The following TTYH2 variants were observed in gnomAD, a reference collection of about 807,000 sequenced individuals.
TTYH2 encodes the protein protein tweety homolog 2.
A neutral mutation model predicts 68.3 loss-of-function variants in TTYH2; 49 were observed. The ratio of observed to expected loss-of-function variants is 0.72; its 90% CI spans 0.57 to 0.91. The LOEUF (loss-of-function observed/expected upper bound fraction) is 0.91. Among genes scored for constraint, TTYH2 ranks in the 40% least tolerant of loss-of-function variants. The pLI is 0.00. For synonymous variants in TTYH2, 272 were observed against 300.8 expected, an observed-to-expected ratio of 0.90 and a Z score of 0.99; for missense variants, 631 against 700.4, an observed-to-expected ratio of 0.90 and a Z score of 1.12.
intron 2 of TTYH2, among the ~76,000 whole-genome samples, chr17:74,223,439 C>T (rs1362689798): frequency 2.0e-5 from 3 of 152,062 alleles, no homozygotes; most frequent in African/African-American, 7.2e-5. Context: ...GACTATGTTG[C>T]TCAGGCTGGT....
chr17:74,238,086 T>G (rs1369143241), intron 4 of TTYH2, among the ~76,000 whole-genome samples: 1 of 152,182 alleles, frequency 6.6e-6, no homozygotes, highest in Non-Finnish European at 1.5e-5. Context: ...CGCCAAAGGC[T>G]GGACCTGGCC....
rs375508967 is a variant in TTYH2 at position 74,213,578 on chromosome 17, G to C, written c.-10G>C. The C allele has an allele frequency of 6.2e-5, 100 of 1,607,962 alleles. No individual in the cohort carries two copies. The African/African-American group carries it at 1.1e-3, about 17-fold the overall frequency. On this transcript the variant is annotated 5_prime_UTR_variant, in exon 1 of 14. Transcript: ENST00000269346. The surrounding 1 kb of genome is among the most constrained non-coding windows in gnomAD (Gnocchi z 6.1). ...GTCGTTCAGCTTGTGGGTAGCACTCGGGCCGAGCCATGCAGGCGGCGCGCG... is the reference window on the plus strand; with the variant it reads ...GTCGTTCAGCTTGTGGGTAGCACTCCGGCCGAGCCATGCAGGCGGCGCGCG...
Position 74,252,494 on chromosome 17 carries a change from G to T in TTYH2, c.1259+118G>T, listed in dbSNP as rs117091970. On this transcript the variant is annotated intron_variant, in intron 11 of 13. Transcript: ENST00000269346. Reference sequence around the variant, plus strand: ...CCCAGGACTGAGGAGGGCAGCAGAGGGCCCGGGCATTCAGCCCAACAGGCT... The same window carrying T: ...CCCAGGACTGAGGAGGGCAGCAGAGTGCCCGGGCATTCAGCCCAACAGGCT... 9.4e-6 allele frequency: 12 copies of T among 1,279,966 alleles called. No individual in the cohort carries two copies. The African/African-American group carries it at 1.6e-4, about 18-fold the overall frequency. 79.3% of individuals were successfully genotyped at this position (1,279,966 alleles called of 1,614,324 possible).
intron 2 of TTYH2, among the ~76,000 whole-genome samples, chr17:74,224,820 T>TCAGTAGA (rs2050313554): frequency 6.6e-6 from 1 of 152,100 alleles, no homozygotes; most frequent in African/African-American, 2.4e-5. Context: ...ACCAACATGG[T>TCAGTAGA]GAAACCCTGT....
chr17:74,224,308 G>A (rs1452387768), intron 2 of TTYH2, among the ~76,000 whole-genome samples: 1 of 152,148 alleles, frequency 6.6e-6, no homozygotes, highest in African/African-American at 2.4e-5. Context: ...AGGATGATGA[G>A]CCCAGGAGGC....
intron 13 of TTYH2, among the ~76,000 whole-genome samples, 183 bp from the exon 14 acceptor site, chr17:74,259,946 T>C (rs2050731295): frequency 6.6e-6 from 1 of 152,148 alleles, no homozygotes; most frequent in Non-Finnish European, 1.5e-5. Flanking sequence ...GGACAGCTGG[T>C]CTGTGTGTGC....
chr17:74,244,489 G>T (rs1283529397), intron 6 of TTYH2, among the ~76,000 whole-genome samples: 1 of 152,208 alleles, frequency 6.6e-6, no homozygotes, highest in Non-Finnish European at 1.5e-5. Context: ...CAGGCCCTGG[G>T]ACTGTAGAAT....
intron 11 of TTYH2, among the ~76,000 whole-genome samples, chr17:74,252,766 C>T (rs1249429049): frequency 6.6e-6 from 1 of 152,138 alleles, no homozygotes; most frequent in Non-Finnish European, 1.5e-5. Flanking sequence ...GCCTGCAGTC[C>T]CCTTGAGGAG....
At chr17:74,251,258 G>A (rs1408708129) in intron 10 of TTYH2, among the ~76,000 whole-genome samples, 6 of 150,458 alleles carry the variant, frequency 4.0e-5, no homozygotes, top group South Asian at 2.1e-4. Context: ...TGGTGTGTGC[G>A]TGTGTGTGGT....
At chr17:74,234,438 G>A (rs1474294907) in intron 3 of TTYH2, among the ~76,000 whole-genome samples, 1 of 152,192 alleles carries the variant, frequency 6.6e-6, no homozygotes, top group Non-Finnish European at 1.5e-5. Flanking sequence ...TAAGGAATTG[G>A]GGATGGTATA....
chr17:74,236,857 C>T (rs1414357440), intron 3 of TTYH2, among the ~76,000 whole-genome samples: 1 of 151,228 alleles, frequency 6.6e-6, no homozygotes, highest in Non-Finnish European at 1.5e-5. Context: ...CCTGGGGCAG[C>T]ATGGTGTGTT....
chr17:74,225,273 G>C (rs2050318119), intron 2 of TTYH2, among the ~76,000 whole-genome samples: 1 of 152,124 alleles, frequency 6.6e-6, no homozygotes, highest in South Asian at 2.1e-4. Context: ...CAGATGAGGG[G>C]GTTGGGGGCA....
At chr17:74,238,693 C>A (rs972729607) in intron 4 of TTYH2, among the ~76,000 whole-genome samples, 4 of 151,942 alleles carry the variant, frequency 2.6e-5, no homozygotes, top group African/African-American at 9.7e-5. Flanking sequence ...ATGGAGAAAC[C>A]CTGTCTCTAC....
At chr17:74,251,634 C>G (rs1370763701) in intron 10 of TTYH2, among the ~76,000 whole-genome samples, 4 of 149,116 alleles carry the variant, frequency 2.7e-5, no homozygotes, top group African/African-American at 1.0e-4. Flanking sequence ...CGGTCCTGCC[C>G]CTCCAGCAGA....
At position 74,260,446 on chromosome 17, in the gene TTYH2, G is replaced by A. The variant is rs908148587; in HGVS notation, c.*237G>A. ...CACCAGAAATGCCCCCAGGTGCTTG[G>A]CTGCCTCAGAGGTACCATCCCTGAG... On this transcript the variant is annotated 3_prime_UTR_variant, in exon 14 of 14. Coordinates refer to ENST00000269346, the MANE Select transcript of TTYH2 (RefSeq NM_032646.6). 2.4e-5 allele frequency: 13 copies of A among 547,948 alleles called. No individual in the cohort carries two copies. The highest frequency in any genetic ancestry group is 2.1e-4 in the African/African-American group (11 of 52,604). The allele number at this position is 547,948 out of a possible 1,614,324, so 33.9% of individuals were successfully genotyped here. A position where few individuals can be genotyped will look rare whatever the true frequency, so the allele number is the denominator to read the frequency against.
In TTYH2 at chr17:74,249,986, G is replaced by C; in HGVS notation, c.981G>C (p.Ala327=). ...TTACCACCATGCAGATCCAGGTCGC[G>C]GGGCTGCTGCAGTTTGCCGTGCCCC... The part of the protein sequence containing the change: ...RALTTMQIQV[A]GLLQFAVPLF... The change falls in exon 9 of 14, where the codon GCG becomes GCC. Residue 327 remains alanine (A), a synonymous_variant. Coordinates refer to ENST00000269346, the MANE Select transcript of TTYH2 (RefSeq NM_032646.6). 6.2e-7 allele frequency: 1 copy of C among 1,614,096 alleles called. No individual in the cohort carries two copies. The highest frequency in any genetic ancestry group is 1.7e-5 in the Admixed American group (1 of 60,016).
chr17:74,234,507 G>A (rs2050422662), intron 3 of TTYH2, among the ~76,000 whole-genome samples: 1 of 152,270 alleles, frequency 6.6e-6, no homozygotes, highest in East Asian at 1.9e-4. Context: ...AAAATTTTAG[G>A]ATCTTTTGAG....
chr17:74,226,932 AT>A (rs2050336290), intron 2 of TTYH2, among the ~76,000 whole-genome samples: 1 of 151,698 alleles, frequency 6.6e-6, no homozygotes, highest in African/African-American at 2.4e-5. Context: ...AGCCAAGGCG[AT>A]TTTTCTTTCT....
Position 74,213,952 on chromosome 17 carries a change from G to A in TTYH2, c.129+236G>A, listed in dbSNP as rs990494513. Reference sequence around the variant, plus strand: ...AACTGAAGAGATCAGAGTGAAGCGAGCGTGGGGAAGGGGAGGAAGGGCGCA... The same window carrying A: ...AACTGAAGAGATCAGAGTGAAGCGAACGTGGGGAAGGGGAGGAAGGGCGCA... On this transcript the variant is annotated intron_variant, in intron 1 of 13. Transcript: ENST00000269346. The surrounding 1 kb of genome is among the most constrained non-coding windows in gnomAD (Gnocchi z 6.1). 2.0e-5 allele frequency among the ~76,000 whole-genome samples: 3 copies of A among 152,062 alleles called. No homozygotes were observed. Among genetic ancestry groups the A allele is most frequent in the African/African-American group, 7.2e-5 (3 of 41,402 alleles).
Sources: allele counts gnomAD v4.1 joint callset (sites outside exome capture counted in the v4.1 genomes callset), GRCh38; gene constraint gnomAD v4.1.1; non-coding constraint Gnocchi (gnomAD v3.1); transcripts MANE v1.5; gene names NCBI Gene and HGNC (gene_info 2026-07-23, HGNC 2026-07-21).